The following TMEM43 variants were observed in gnomAD, a reference collection of about 807,000 sequenced individuals.
TMEM43 encodes the protein arrhythmogenic right ventricular dysplasia 5.
In TMEM43, 45 loss-of-function variants were observed where a neutral mutation model predicts 49.6. That is an observed-to-expected ratio of 0.91 (90% CI 0.71 to 1.16). TMEM43 has a LOEUF of 1.16. Ranked by LOEUF, TMEM43 falls within the 50% of genes most tolerant of loss-of-function variation. The pLI is 0.00. For missense variants in TMEM43, 532 were observed against 516.6 expected, an observed-to-expected ratio of 1.03 and a Z score of -0.29; for synonymous variants, 199 against 207.8, an observed-to-expected ratio of 0.96 and a Z score of 0.36.
In TMEM43 at chr3:14,141,927, G is replaced by A. The variant is rs1308213587; in HGVS notation, c.*132G>A. The A allele has an allele frequency of 8.5e-6, 7 of 827,080 alleles. No individual in the cohort carries two copies. Among genetic ancestry groups the A allele is most frequent in the Non-Finnish European group, 1.3e-5 (7 of 536,674 alleles). The allele number at this position is 827,080 out of a possible 1,614,324, so 51.2% of individuals were successfully genotyped here. On this transcript the variant is annotated 3_prime_UTR_variant, in exon 12 of 12. Transcript: ENST00000306077. ...CTCTGCACTCCCTCTCCTCTTCAGG[G>A]GCCAGACTTGGCAGCATGTGCACCA...
At chr3:14,126,229 G>C (rs561271081) in intron 1 of TMEM43, among the ~76,000 whole-genome samples, 1 of 152,324 alleles carries the variant, frequency 6.6e-6, no homozygotes, top group African/African-American at 2.4e-5. Context: ...GCCCACAGGA[G>C]GGTTAGAAGC....
intron 5 of TMEM43, 28 bp from the exon 6 acceptor site, chr3:14,132,838 C>A: frequency 6.2e-7 from 1 of 1,611,154 alleles, no homozygotes; most frequent in Non-Finnish European, 8.5e-7. Flanking sequence ...CCTACCCGGG[C>A]TCTGAGTTGA....
At position 14,134,819 on chromosome 3, in the gene TMEM43, G is replaced by A; in HGVS notation, c.633G>A (p.Leu211=). Residue 211 remains leucine (L), a synonymous_variant, in exon 8 of 12, where the codon CTG becomes CTA. Coordinates refer to ENST00000306077, the MANE Select transcript of TMEM43 (RefSeq NM_024334.3). The stretch of plus-strand genomic sequence containing the variant: ...TCAAGTCCCTGAGCCTATCCAAGCT[G>A]GAGGACCCTCATGTGGACATCATTC... ...DNFKSLSLSK[L]EDPHVDIIRR... is the part of the protein sequence containing the mutation. 1 of 1,614,178 alleles carries A rather than the reference G, an allele frequency of 6.2e-7. No homozygotes were observed. Among genetic ancestry groups the A allele is most frequent in the Non-Finnish European group, 8.5e-7 (1 of 1,180,028 alleles).
intron 11 of TMEM43, among the ~76,000 whole-genome samples, chr3:14,140,324 C>T (rs937274330): frequency 2.6e-5 from 4 of 152,068 alleles, no homozygotes; most frequent in Admixed American, 1.3e-4. Context: ...TTGGTTTCCT[C>T]GTGTCTGTCT....
chr3:14,142,038 A>G lies in TMEM43; in HGVS notation c.*243A>G. On this transcript the variant is annotated 3_prime_UTR_variant, in exon 12 of 12. Coordinates refer to ENST00000306077, the MANE Select transcript of TMEM43 (RefSeq NM_024334.3). The stretch of plus-strand genomic sequence containing the variant: ...TGGGCAGCAGCAGCTCATGAATGGC[A>G]AGCTGACAGCTTCTCCTGCTGTTTC... 1 of 565,294 alleles carries G rather than the reference A, an allele frequency of 1.8e-6. No homozygotes were observed. Among genetic ancestry groups the G allele is most frequent in the Non-Finnish European group, 3.2e-6 (1 of 315,118 alleles). 35.0% of individuals were successfully genotyped at this position (565,294 alleles called of 1,614,324 possible).
intron 6 of TMEM43, among the ~76,000 whole-genome samples, 162 bp downstream of exon 6, chr3:14,133,097 A>C (rs1695119404): frequency 1.3e-5 from 2 of 152,224 alleles, no homozygotes; most frequent in South Asian, 4.1e-4. Flanking sequence ...CACCAGGAAC[A>C]CAGAGACTTG....
Position 14,129,415 on chromosome 3 carries a change from T to G in TMEM43, c.16T>G (p.Ser6Ala). 2 of 1,613,490 alleles carry G rather than the reference T, an allele frequency of 1.2e-6. No homozygotes were observed. Among genetic ancestry groups the G allele is most frequent in the Non-Finnish European group, 1.7e-6 (2 of 1,179,616 alleles). ...GTTACTGTTTCTTTTTCTTCAGTAT[T>G]CCAGTACCAGTACCCGGAGAGAACA... is the stretch of plus-strand genomic sequence containing the variant. MAANY[S>A]STSTRREHVK... Residue 6 changes from serine (S) to alanine (A), a missense_variant, in exon 2 of 12, where the codon TCC becomes GCC. Physicochemically the swap from Ser to Ala is moderately conservative, Grantham distance 99. Coordinates refer to ENST00000306077, the MANE Select transcript of TMEM43 (RefSeq NM_024334.3).
At chr3:14,129,337 GA>G in intron 1 of TMEM43, 74 bp from the exon 2 acceptor site, 1 of 458,308 alleles carries the variant, frequency 2.2e-6, no homozygotes, top group Non-Finnish European at 3.5e-6. Context: ...AAAAAAAATT[GA>G]GTATAAATAA....
chr3:14,134,843 T>C lies in TMEM43; in HGVS notation c.657T>C (p.Ile219=). ...SKLEDPHVDI[I]RRGDFFYHSE... is the part of the protein sequence containing the mutation. ...TGGAGGACCCTCATGTGGACATCATTCGCCGTGGAGACTTTTTCTACCACA... is the reference window on the plus strand; with the variant it reads ...TGGAGGACCCTCATGTGGACATCATCCGCCGTGGAGACTTTTTCTACCACA... Residue 219 remains isoleucine, a synonymous_variant, in exon 8 of 12, where the codon ATT becomes ATC. Coordinates refer to ENST00000306077, the MANE Select transcript of TMEM43 (RefSeq NM_024334.3). 6.2e-7 allele frequency: 1 copy of C among 1,614,152 alleles called. No homozygotes were observed. The highest frequency in any genetic ancestry group is 8.5e-7 in the Non-Finnish European group (1 of 1,180,028).
intron 1 of TMEM43, 145 bp downstream of exon 1, chr3:14,125,350 C>T: frequency 9.9e-7 from 1 of 1,009,582 alleles, no homozygotes; most frequent in Admixed American, 2.0e-5. Context: ...CGTGTCTGTG[C>T]CTTCGCCAGC....
In TMEM43 at chr3:14,135,155, C is replaced by G; in HGVS notation, c.706-3C>G. 6.2e-7 allele frequency: 1 copy of G among 1,611,614 alleles called. No individual in the cohort carries two copies. Among genetic ancestry groups the G allele is most frequent in the Non-Finnish European group, 8.5e-7 (1 of 1,179,570 alleles). On this transcript the variant is annotated splice_region_variant and splice_polypyrimidine_tract_variant and intron_variant, in intron 8 of 11. Transcript: ENST00000306077. The stretch of plus-strand genomic sequence containing the variant: ...ACTCTCCCTGCTTCTCTTCCACCCC[C>G]AGGTGGGAGACTTGCGTGTCTCCTT...
rs565214715 is a variant in TMEM43 at position 14,137,902 on chromosome 3, T to C, written c.883-1278T>C. 3 of 152,340 alleles carry C rather than the reference T, an allele frequency of 2.0e-5. No homozygotes were observed. In the East Asian group the frequency reaches 5.8e-4, roughly 29 times the overall value. 9.4% of individuals were successfully genotyped at this position (152,340 alleles called of 1,614,324 possible). A position where few individuals can be genotyped will look rare whatever the true frequency, so the allele number is the denominator to read the frequency against. The stretch of plus-strand genomic sequence containing the variant: ...GAAATGTAGCGTTTAGTTAACTGCT[T>C]GAGGTGAGACCTTGGGCACATGACT... On this transcript the variant is annotated intron_variant, in intron 10 of 11. Transcript: ENST00000306077.
At position 14,142,560 on chromosome 3, in the gene TMEM43, AC is replaced by A. The variant is rs869297283; in HGVS notation, c.*766del. ...AAGTTTTCTGAAATAAGATTTAAAA[AC>A]AAAACAAAAAAAACACTTAATATTT... On this transcript the variant is annotated 3_prime_UTR_variant, in exon 12 of 12. Coordinates refer to ENST00000306077, the MANE Select transcript of TMEM43 (RefSeq NM_024334.3). 2 of 135,280 alleles carry A rather than the reference AC, an allele frequency of 1.5e-5. No individual in the cohort carries two copies. The highest frequency in any genetic ancestry group is 3.2e-5 in the Non-Finnish European group (2 of 63,484). The allele number at this position is 135,280 out of a possible 1,614,324, so 8.4% of individuals were successfully genotyped here.
chr3:14,138,755 C>T (rs997421469), intron 10 of TMEM43, among the ~76,000 whole-genome samples: 2 of 152,180 alleles, frequency 1.3e-5, no homozygotes, highest in African/African-American at 4.8e-5. Context: ...AGAGGGGCAG[C>T]GACAGCGATG....
At chr3:14,135,765 C>G (rs763137564) in intron 9 of TMEM43, 42 bp from the exon 10 acceptor site, 1 of 1,564,882 alleles carries the variant, frequency 6.4e-7, no homozygotes, top group South Asian at 1.1e-5. Flanking sequence ...GCGTGTCTCC[C>G]GCTGGTCACC....
At chr3:14,139,964 A>G (rs1285852567) in intron 11 of TMEM43, among the ~76,000 whole-genome samples, 1 of 152,102 alleles carries the variant, frequency 6.6e-6, no homozygotes, top group East Asian at 1.9e-4. Flanking sequence ...GGTTCCTCGG[A>G]GGACTCTCCA....
intron 9 of TMEM43, 61 bp downstream of exon 9, chr3:14,135,293 A>T: frequency 2.1e-6 from 3 of 1,424,720 alleles, no homozygotes; most frequent in African/African-American, 1.4e-5. Context: ...CTGGACACAG[A>T]CACCTTGGTC....
At chr3:14,134,198 C>T (rs1406542999) in intron 7 of TMEM43, among the ~76,000 whole-genome samples, 1 of 152,212 alleles carries the variant, frequency 6.6e-6, no homozygotes, top group East Asian at 1.9e-4. Flanking sequence ...CTGAGTTCCA[C>T]CTGTCCCAGG....
Position 14,135,157 on chromosome 3 carries a change from G to A in TMEM43, c.706-1G>A, listed in dbSNP as rs764377071. 6.2e-7 allele frequency: 1 copy of A among 1,611,938 alleles called. No individual in the cohort carries two copies. The highest frequency in any genetic ancestry group is 1.7e-5 in the Admixed American group (1 of 60,014). ...TCTCCCTGCTTCTCTTCCACCCCCA[G>A]GTGGGAGACTTGCGTGTCTCCTTTT... On this transcript the variant is annotated splice_acceptor_variant, in intron 8 of 11. Transcript: ENST00000306077. LOFTEE classifies it high-confidence loss of function.
Sources: gnomAD v4.1 joint callset for allele counts (sites outside exome capture counted in the v4.1 genomes callset) on GRCh38, gnomAD v4.1.1 for gene constraint, MANE v1.5 for transcripts, NCBI Gene and HGNC (gene_info 2026-07-23, HGNC 2026-07-21) for gene names.